Variants in ACTR1A observed in about 807,000 individuals in gnomAD.
ACTR1A encodes the protein actin related protein 1A.
A neutral mutation model predicts 50.7 loss-of-function variants in ACTR1A; 10 were observed. That is an observed-to-expected ratio of 0.20 (90% CI 0.12 to 0.33). ACTR1A has a LOEUF of 0.33. Among genes scored for constraint, ACTR1A ranks in the 10% least tolerant of loss-of-function variants. ACTR1A has a pLI of 1.00. For missense variants in ACTR1A, 253 were observed against 491.7 expected, an observed-to-expected ratio of 0.51 and a Z score of 4.59; for synonymous variants, 177 against 184.2, an observed-to-expected ratio of 0.96 and a Z score of 0.32.
In ACTR1A at chr10:102,480,588, G is replaced by A; in HGVS notation, c.*275C>T. The A allele has an allele frequency of 2.1e-6, 1 of 479,264 alleles. No homozygotes were observed. The highest frequency in any genetic ancestry group is 2.7e-5 in the South Asian group (1 of 37,512). 29.7% of individuals were successfully genotyped at this position (479,264 alleles called of 1,614,324 possible). On this transcript the variant is annotated 3_prime_UTR_variant, in exon 11 of 11. Transcript: ENST00000369905. ...CGGAGTCCCCCACAGCCAGCCAGAG[G>A]CCACCTGAGGAGGGAGCACAGCCTC...
intron 1 of ACTR1A, among the ~76,000 whole-genome samples, chr10:102,492,358 C>T (rs754751753): frequency 7.2e-5 from 11 of 152,090 alleles, no homozygotes; most frequent in African/African-American, 2.4e-4. Context: ...CATGAACCAC[C>T]GCGCCTGGCC....
At chr10:102,497,687 T>C (rs1336486676) in intron 1 of ACTR1A, among the ~76,000 whole-genome samples, 1 of 152,094 alleles carries the variant, frequency 6.6e-6, no homozygotes, top group Admixed American at 6.6e-5. Context: ...TCTTGCTGTA[T>C]TGCCCAGGCT....
chr10:102,502,416 T>G (rs2135593820), intron 1 of ACTR1A, among the ~76,000 whole-genome samples, 184 bp downstream of exon 1: 2 of 152,368 alleles, frequency 1.3e-5, no homozygotes, highest in Middle Eastern at 6.8e-3. Context: ...CATCCCACTT[T>G]TGCTGGCTGG....
chr10:102,502,298 GA>G (rs1271067277), intron 1 of ACTR1A, among the ~76,000 whole-genome samples: 1 of 152,262 alleles, frequency 6.6e-6, no homozygotes, highest in Non-Finnish European at 1.5e-5. Flanking sequence ...GGAAATGGGG[GA>G]GAGGGCGGGC....
At chr10:102,501,259 C>T (rs543026413) in intron 1 of ACTR1A, among the ~76,000 whole-genome samples, 56 of 152,266 alleles carry the variant, frequency 3.7e-4, no homozygotes, top group Admixed American at 1.4e-3. Flanking sequence ...CTCCTCAATT[C>T]CTAAACTGGA....
At chr10:102,490,303 A>T (rs1253210337) in intron 2 of ACTR1A, among the ~76,000 whole-genome samples, 1 of 151,700 alleles carries the variant, frequency 6.6e-6, no homozygotes, top group African/African-American at 2.4e-5. Context: ...TGATAGGAGA[A>T]TTTTAAAAGG....
intron 1 of ACTR1A, among the ~76,000 whole-genome samples, chr10:102,500,352 G>A (rs1288003493): frequency 1.3e-5 from 2 of 151,486 alleles, no homozygotes; most frequent in South Asian, 2.1e-4. Flanking sequence ...GGCGGATCAC[G>A]AGGTCAGGAG....
At chr10:102,481,734 G>T in intron 9 of ACTR1A, 103 bp downstream of exon 9, 1 of 1,377,688 alleles carries the variant, frequency 7.3e-7, no homozygotes, top group Non-Finnish European at 1.0e-6. Context: ...TAGAGCCATG[G>T]CTGCTTGAAG....
chr10:102,480,620 C>T lies in ACTR1A; in HGVS notation c.*243G>A, dbSNP rs569710520. 1.9e-4 allele frequency: 108 copies of T among 554,512 alleles called. No individual in the cohort carries two copies. The highest frequency in any genetic ancestry group is 1.5e-3 in the African/African-American group (80 of 53,000). The allele number at this position is 554,512 out of a possible 1,614,324, so 34.3% of individuals were successfully genotyped here. ...GAGGAGGGAGCACAGCCTCTGCCAG[C>T]GCTCTTCCCTGTCAGGAGCCAGTTA... On this transcript the variant is annotated 3_prime_UTR_variant, in exon 11 of 11. Transcript: ENST00000369905.
intron 1 of ACTR1A, among the ~76,000 whole-genome samples, chr10:102,491,514 C>T (rs2135585372): frequency 6.6e-6 from 1 of 152,306 alleles, no homozygotes; most frequent in Admixed American, 6.5e-5. Context: ...ACTATGCTTT[C>T]CTTTTACTCC....
intron 9 of ACTR1A, 28 bp from the exon 10 acceptor site, chr10:102,481,200 G>C (rs1398023081): frequency 3.2e-6 from 5 of 1,562,528 alleles, no homozygotes; most frequent in Non-Finnish European, 4.3e-6. Flanking sequence ...AGAGGAATCT[G>C]AGACTTCCAG....
intron 4 of ACTR1A, 49 bp from the exon 5 acceptor site, chr10:102,485,782 C>T (rs2062165268): frequency 6.2e-7 from 1 of 1,606,782 alleles, no homozygotes; most frequent in South Asian, 1.1e-5. Flanking sequence ...AGATTTCCAT[C>T]TTCATTAGTC....
chr10:102,493,985 G>T (rs2062207595), intron 1 of ACTR1A, among the ~76,000 whole-genome samples: 1 of 152,244 alleles, frequency 6.6e-6, no homozygotes, highest in Admixed American at 6.5e-5. Context: ...TGCCATGCCA[G>T]TCATAGGGTG....
intron 6 of ACTR1A, 58 bp downstream of exon 6, chr10:102,484,102 C>T: frequency 6.5e-7 from 1 of 1,549,318 alleles, no homozygotes; most frequent in Non-Finnish European, 8.9e-7. Flanking sequence ...TCACCAAGGT[C>T]CTGGGTGCTA....
chr10:102,495,989 AG>A (rs1003122407), intron 1 of ACTR1A, among the ~76,000 whole-genome samples: 3 of 151,624 alleles, frequency 2.0e-5, no homozygotes, highest in Admixed American at 6.6e-5. Context: ...TCTGTTGCCC[AG>A]GCTGGAGTCC....
rs1013946493 is a variant in ACTR1A at position 102,483,204 on chromosome 10, G to A, written c.658-101C>T. The A allele has an allele frequency of 2.0e-5, 18 of 908,948 alleles. No homozygotes were observed. The East Asian group carries it at 2.4e-4, about 12-fold the overall frequency. The allele number at this position is 908,948 out of a possible 1,614,324, so 56.3% of individuals were successfully genotyped here. On this transcript the variant is annotated intron_variant, in intron 6 of 10. Coordinates refer to ENST00000369905, the MANE Select transcript of ACTR1A (RefSeq NM_005736.4). ...TGCTGCTGCACAAACCTGTCTAAACGTTGTGATGGCCCCAATGGTCACTAT... is the reference window on the plus strand; with the variant it reads ...TGCTGCTGCACAAACCTGTCTAAACATTGTGATGGCCCCAATGGTCACTAT...
chr10:102,494,972 G>A (rs1203552896), intron 1 of ACTR1A, among the ~76,000 whole-genome samples: 2 of 151,892 alleles, frequency 1.3e-5, no homozygotes, highest in East Asian at 1.9e-4. Context: ...CACCACGCCC[G>A]GCTAATTTTT....
In ACTR1A at chr10:102,482,195, C is replaced by T. The variant is rs759283743; in HGVS notation, c.751-20G>A. 3 of 1,608,148 alleles carry T rather than the reference C, an allele frequency of 1.9e-6. No individual in the cohort carries two copies. The highest frequency in any genetic ancestry group is 2.2e-5 in the East Asian group (1 of 44,884). Reference sequence around the variant, plus strand: ...ACCAATCTGCAGGTAGGAGGGCCAGCTGAAGAGGTCGGAGCTGGGACCAAG... The same window carrying T: ...ACCAATCTGCAGGTAGGAGGGCCAGTTGAAGAGGTCGGAGCTGGGACCAAG... On this transcript the variant is annotated intron_variant, in intron 7 of 10. Coordinates refer to ENST00000369905, the MANE Select transcript of ACTR1A (RefSeq NM_005736.4). The surrounding 1 kb of genome is among the most constrained non-coding windows in gnomAD (Gnocchi z 5.6).
At chr10:102,490,107 G>A (rs1320706727) in intron 2 of ACTR1A, among the ~76,000 whole-genome samples, 1 of 151,092 alleles carries the variant, frequency 6.6e-6, no homozygotes, top group East Asian at 2.0e-4. Context: ...ACGGTGGCAG[G>A]CGCCTGTAGT....
Sources: gnomAD v4.1 joint callset for allele counts (sites outside exome capture counted in the v4.1 genomes callset) on GRCh38, gnomAD v4.1.1 for gene constraint, Gnocchi (gnomAD v3.1) non-coding constraint, MANE v1.5 for transcripts, NCBI Gene and HGNC (gene_info 2026-07-23, HGNC 2026-07-21) for gene names.